The following RGL3 variants were observed in gnomAD, a reference collection of about 807,000 sequenced individuals.
The protein encoded by RGL3 is ral guanine nucleotide dissociation stimulator like 3.
A neutral mutation model predicts 90.6 loss-of-function variants in RGL3; 85 were observed. That is an observed-to-expected ratio of 0.94 (90% confidence interval 0.79 to 1.12). The LOEUF (loss-of-function observed/expected upper bound fraction) is 1.12, where lower values mean the gene tolerates loss of function less well. Among genes scored for constraint, RGL3 ranks in the 50% most tolerant of loss-of-function variants. RGL3 has a pLI of 0.00. For synonymous variants in RGL3, 408 were observed against 385.5 expected (o/e 1.06, Z -0.68); for missense variants, 1,034 against 939.2 (o/e 1.10, Z -1.32).
At chr19:11,401,277 G>A (rs1568336380) in intron 13 of RGL3, among the ~76,000 whole-genome samples, 1 of 150,730 alleles carries the variant, frequency 6.6e-6, no homozygotes, top group Non-Finnish European at 1.5e-5. Context: ...ACCTAGACTG[G>A]AACTGCAGTG....
intron 10 of RGL3, 40 bp from the exon 11 acceptor site, chr19:11,402,581 G>T: frequency 6.2e-7 from 1 of 1,610,718 alleles, no homozygotes; most frequent in South Asian, 1.1e-5. Flanking sequence ...GGCCATTACT[G>T]ACCCCATCAC....
chr19:11,400,113 G>A lies in RGL3; in HGVS notation c.1581-5C>T. 2 of 1,607,882 alleles carry A rather than the reference G, an allele frequency of 1.2e-6. No individual in the cohort carries two copies. The highest frequency in any genetic ancestry group is 1.7e-6 in the Non-Finnish European group (2 of 1,177,164). On this transcript the variant is annotated splice_region_variant and splice_polypyrimidine_tract_variant and intron_variant, in intron 14 of 18. Transcript: ENST00000380456. The stretch of plus-strand genomic sequence containing the variant: ...CTTTTCTCTCGGGCAAGCTTCCTAA[G>A]GATGGGGACAGGGGATGAGGCTAAG...
intron 16 of RGL3, among the ~76,000 whole-genome samples, chr19:11,398,922 G>A (rs1052349054): frequency 6.6e-6 from 1 of 152,020 alleles, no homozygotes; most frequent in Admixed American, 6.6e-5. Context: ...GCCCACCTCG[G>A]CCTCCCAGAG....
intron 5 of RGL3, among the ~76,000 whole-genome samples, chr19:11,409,274 A>T (rs563240815): frequency 6.6e-6 from 1 of 152,172 alleles, no homozygotes; most frequent in African/African-American, 2.4e-5. Context: ...AGGTCAGGAG[A>T]TCGAGACCAT....
chr19:11,395,542 G>A (rs1568333835), intron 18 of RGL3, among the ~76,000 whole-genome samples: 1 of 152,126 alleles, frequency 6.6e-6, no homozygotes, highest in Non-Finnish European at 1.5e-5. Context: ...CATCCCATCA[G>A]GTTGAGCCTG....
intron 5 of RGL3, among the ~76,000 whole-genome samples, chr19:11,412,962 T>C (rs1052928090): frequency 6.6e-6 from 1 of 151,810 alleles, no homozygotes; most frequent in Non-Finnish European, 1.5e-5. Context: ...CGAGACTCTG[T>C]CTCAAAATAA....
intron 9 of RGL3, among the ~76,000 whole-genome samples, chr19:11,403,104 G>A (rs977887436): frequency 1.3e-5 from 2 of 151,634 alleles, no homozygotes; most frequent in Non-Finnish European, 2.9e-5. Flanking sequence ...GCGCGATCTC[G>A]GCTCACTGCA....
At chr19:11,414,050 T>G (rs1968916930) in intron 5 of RGL3, among the ~76,000 whole-genome samples, 1 of 145,272 alleles carries the variant, frequency 6.9e-6, no homozygotes, top group Non-Finnish European at 1.5e-5. Flanking sequence ...CCAGCCAATT[T>G]TAATTAATTT....
In RGL3 at chr19:11,397,364, A is replaced by C; in HGVS notation, c.1900-6T>G. 6.3e-7 allele frequency: 1 copy of C among 1,597,314 alleles called. No individual in the cohort carries two copies. The highest frequency in any genetic ancestry group is 8.5e-7 in the Non-Finnish European group (1 of 1,170,998). On this transcript the variant is annotated splice_region_variant and splice_polypyrimidine_tract_variant and intron_variant, in intron 17 of 18. Transcript: ENST00000380456. ...GCTTTGTCCTGACTGGTCAGCTGGA[A>C]GAGAGGGGCGGGAGGTGAGGTGAGG...
intron 13 of RGL3, among the ~76,000 whole-genome samples, chr19:11,400,856 AAAATAAATAAAT>A (rs36155093): frequency 0.084 from 12,263 of 145,538 alleles, 1,181 homozygotes; most frequent in African/African-American, 0.24. Flanking sequence ...CTCTGTCTCA[AAAATAAATAAAT>A]AAATAAATAA....
At chr19:11,417,080 C>A in intron 2 of RGL3, 21 bp from the exon 3 acceptor site, 2 of 1,564,018 alleles carry the variant, frequency 1.3e-6, no homozygotes, top group Non-Finnish European at 1.7e-6. Context: ...GGAGAGGTGG[C>A]CATGAGAGAG....
chr19:11,396,136 CTATA>C (rs1568334082), intron 18 of RGL3, among the ~76,000 whole-genome samples: 190 of 17,890 alleles, frequency 0.011, 3 homozygotes, highest in African/African-American at 0.025. Flanking sequence ...CTCTCTCTCT[CTATA>C]TATATATATA....
chr19:11,399,030 G>A (rs550598651), intron 16 of RGL3, among the ~76,000 whole-genome samples: 4 of 152,118 alleles, frequency 2.6e-5, no homozygotes, highest in South Asian at 4.1e-4. Context: ...TGGCATGATC[G>A]TAGCTCACTG....
At chr19:11,401,226 ATTT>A (rs1051265868) in intron 13 of RGL3, among the ~76,000 whole-genome samples, 11 of 130,654 alleles carry the variant, frequency 8.4e-5, no homozygotes, top group Non-Finnish European at 9.9e-5. Context: ...AATTGTGACT[ATTT>A]TTTTTTTTTT....
intron 1 of RGL3, 78 bp from the exon 2 acceptor site, chr19:11,418,862 G>T: frequency 1.7e-6 from 2 of 1,174,032 alleles, no homozygotes; most frequent in Admixed American, 5.2e-5. Flanking sequence ...CTCGGACTCG[G>T]GCCGAGTCCT....
At chr19:11,413,021 C>T (rs1312944680) in intron 5 of RGL3, among the ~76,000 whole-genome samples, 2 of 151,728 alleles carry the variant, frequency 1.3e-5, no homozygotes, top group African/African-American at 4.8e-5. Flanking sequence ...TAAAGTGTGT[C>T]CCAGGGCCTA....
At chr19:11,399,506 T>C (rs1968634189) in intron 16 of RGL3, among the ~76,000 whole-genome samples, 1 of 151,964 alleles carries the variant, frequency 6.6e-6, no homozygotes, top group Non-Finnish European at 1.5e-5. Context: ...GGGGTGGAAG[T>C]TGCGGTGAGC....
Position 11,397,231 on chromosome 19 carries a change from C to CAGGG in RGL3, c.2014+12_2014+13insCCCT, listed in dbSNP as rs777495721. Reference sequence around the variant, plus strand: ...CTGCCCCCTATCCTGAGCTCCAACCCATCCCTGCTCACCCCGGTCCCCAGG... The same window carrying CAGGG: ...CTGCCCCCTATCCTGAGCTCCAACCCAGGGATCCCTGCTCACCCCGGTCCCCAGG... On this transcript the variant is annotated intron_variant, in intron 18 of 18. Transcript: ENST00000380456. The CAGGG allele has an allele frequency of 1.2e-6, 2 of 1,610,930 alleles. No homozygotes were observed. Among genetic ancestry groups the CAGGG allele is most frequent in the Non-Finnish European group, 1.7e-6 (2 of 1,177,440 alleles).
At chr19:11,404,620 C>T (rs1189108463) in intron 9 of RGL3, among the ~76,000 whole-genome samples, 1 of 152,064 alleles carries the variant, frequency 6.6e-6, no homozygotes, top group Admixed American at 6.6e-5. Context: ...ATGATGGAGG[C>T]TGGGAAGGCC....
Sources: allele counts gnomAD v4.1 joint callset (sites outside exome capture counted in the v4.1 genomes callset), GRCh38; gene constraint gnomAD v4.1.1; transcripts MANE v1.5; gene names NCBI Gene and HGNC (gene_info 2026-07-23, HGNC 2026-07-21).